The following MAP2K3 variants were observed in gnomAD, a reference collection of about 807,000 sequenced individuals.
MAP2K3 encodes the protein mitogen-activated protein kinase kinase 3, also known as dual specificity mitogen-activated protein kinase kinase 3.
MAP2K3 carries 30 observed loss-of-function variants against 46.4 expected under a neutral mutation model. The observed-to-expected ratio is 0.65, with a 90% CI of 0.48 to 0.88. The LOEUF (loss-of-function observed/expected upper bound fraction) is 0.88. Among genes scored for constraint, MAP2K3 ranks in the 40% least tolerant of loss-of-function variants. The probability of loss-of-function intolerance (pLI) is 0.00; values close to 1 mark genes in which losing one functional copy is unlikely to be tolerated. For synonymous variants in MAP2K3, 189 were observed against 176.3 expected (o/e 1.07, Z -0.57); for missense variants, 380 against 464.5 (o/e 0.82, Z 1.67).
At chr17:21,298,658 C>G (rs1377199606) in intron 2 of MAP2K3, among the ~76,000 whole-genome samples, 179 bp downstream of exon 2, 1 of 152,308 alleles carries the variant, frequency 6.6e-6, no homozygotes, top group African/African-American at 2.4e-5. Context: ...ACCATTTGCT[C>G]TGCTCTGCTC....
intron 1 of MAP2K3, 86 bp downstream of exon 1, chr17:21,285,055 C>T (rs1975687243): frequency 2.6e-6 from 4 of 1,514,896 alleles, no homozygotes; most frequent in Non-Finnish European, 3.6e-6. Flanking sequence ...TTGGTCCCAC[C>T]CCATCCTGTT....
chr17:21,299,284 A>G (rs1306754410), intron 3 of MAP2K3, among the ~76,000 whole-genome samples: 1 of 152,312 alleles, frequency 6.6e-6, no homozygotes, highest in African/African-American at 2.4e-5. Flanking sequence ...TCAGGCCAGC[A>G]CCTGGGCAAC....
At chr17:21,313,406 G>T in intron 10 of MAP2K3, 86 bp from the exon 11 acceptor site, 1 of 1,116,536 alleles carries the variant, frequency 9.0e-7, no homozygotes, top group East Asian at 2.5e-5. Context: ...GCTAGGCCTG[G>T]GGCAATCCTG....
In MAP2K3 at chr17:21,284,873, G is replaced by C; in HGVS notation, c.-48G>C. 1 of 1,597,648 alleles carries C rather than the reference G, an allele frequency of 6.3e-7. No individual in the cohort carries two copies. The highest frequency in any genetic ancestry group is 8.5e-7 in the Non-Finnish European group (1 of 1,170,940). ...AGCGTGCTCGGCCCCGGTGGAGCCC[G>C]CAGTCCTCTAGATTAGTCTCCACCG... is the stretch of plus-strand genomic sequence containing the variant. On this transcript the variant is annotated 5_prime_UTR_variant, in exon 1 of 12. Transcript: ENST00000342679.
At position 21,305,032 on chromosome 17, in the gene MAP2K3, T is replaced by C. The variant is rs1399715342; in HGVS notation, c.697-19T>C. ...CTTACCTGGGGCGGGTGTTCACGCC[T>C]CACTCTTCCCTCCTGCAGCCTGAGA... is the stretch of plus-strand genomic sequence containing the variant. On this transcript the variant is annotated intron_variant, in intron 8 of 11. Transcript: ENST00000342679. 7 of 1,614,304 alleles carry C rather than the reference T, an allele frequency of 4.3e-6. No individual in the cohort carries two copies. The highest frequency in any genetic ancestry group is 5.9e-6 in the Non-Finnish European group (7 of 1,180,048).
chr17:21,285,607 G>A (rs1391849856), intron 1 of MAP2K3, among the ~76,000 whole-genome samples: 1 of 152,100 alleles, frequency 6.6e-6, no homozygotes. Flanking sequence ...TGCAGCCCTG[G>A]GCTCCCAGGA....
chr17:21,296,277 T>C (rs1976245625), intron 1 of MAP2K3: 6 of 1,059,032 alleles, frequency 5.7e-6, no homozygotes, highest in Admixed American at 2.3e-5. Context: ...GAGGGCACCA[T>C]GCCAGGGTCG....
Position 21,314,258 on chromosome 17 carries a change from C to A in MAP2K3, c.*28C>A. 1 of 1,584,820 alleles carries A rather than the reference C, an allele frequency of 6.3e-7. No individual in the cohort carries two copies. The highest frequency in any genetic ancestry group is 8.7e-7 in the Non-Finnish European group (1 of 1,154,336). On this transcript the variant is annotated 3_prime_UTR_variant, in exon 12 of 12. Transcript: ENST00000342679. ...GCTGGGCCTCGGACCCCACTCCGGC[C>A]CTCCAGAGCCCCACAGCCCCATCTG...
At position 21,296,542 on chromosome 17, in the gene MAP2K3, G is replaced by A. The variant is rs980793113; in HGVS notation, c.50-1871G>A. On this transcript the variant is annotated intron_variant, in intron 1 of 11. Transcript: ENST00000342679. ...CAGGGGTGCTGTGAGCCATGGCCTG[G>A]CCTGTTGGGGTCTGCGAGTCAATAA... Among the ~76,000 whole-genome samples, 7 of 152,426 alleles carry A rather than the reference G, an allele frequency of 4.6e-5. No individual in the cohort carries two copies. The South Asian group carries it at 1.0e-3, about 23-fold the overall frequency.
chr17:21,299,005 T>C, intron 3 of MAP2K3, 79 bp downstream of exon 3: 1 of 1,586,172 alleles, frequency 6.3e-7, no homozygotes, highest in Non-Finnish European at 8.6e-7. Flanking sequence ...AGGGCCACTT[T>C]GGGGGGAGGT....
At chr17:21,290,157 C>T (rs966492973) in intron 1 of MAP2K3, among the ~76,000 whole-genome samples, 2 of 152,224 alleles carry the variant, frequency 1.3e-5, no homozygotes, top group African/African-American at 2.4e-5. Flanking sequence ...TGGGGCAGGG[C>T]TGCGAGGGGC....
At chr17:21,295,516 G>A (rs923879523) in intron 1 of MAP2K3, 19 of 967,502 alleles carry the variant, frequency 2.0e-5, no homozygotes, top group Non-Finnish European at 2.3e-5. Flanking sequence ...GGGCAGCCCT[G>A]GGCTGCCTGG....
At chr17:21,290,613 A>G (rs1416829721) in intron 1 of MAP2K3, among the ~76,000 whole-genome samples, 3 of 152,306 alleles carry the variant, frequency 2.0e-5, no homozygotes, top group Non-Finnish European at 4.4e-5. Flanking sequence ...TGTCTGTGCT[A>G]GCATTTCCAT....
At chr17:21,303,350 G>T (rs1024922753) in intron 7 of MAP2K3, 116 bp downstream of exon 7, 1 of 1,427,076 alleles carries the variant, frequency 7.0e-7, no homozygotes, top group African/African-American at 1.4e-5. Context: ...AGGTTGTGAC[G>T]TGCCCGATGG....
At chr17:21,287,646 G>T (rs79652730) in intron 1 of MAP2K3, among the ~76,000 whole-genome samples, 2,401 of 152,322 alleles carry the variant, frequency 0.016, 62 homozygotes, top group African/African-American at 0.054. Context: ...ATCTCTGGCT[G>T]GGGTTAGAGG....
Position 21,300,676 on chromosome 17 carries a change from G to A in MAP2K3, c.279+18G>A, listed in dbSNP as rs1363328394. On this transcript the variant is annotated intron_variant, in intron 4 of 11. Coordinates refer to ENST00000342679, the MANE Select transcript of MAP2K3 (RefSeq NM_145109.3). ...CCGTGAAGGTGAGCAGGGCCTGGAG[G>A]CAGCTGGGAGGGCTCCCTGGAGGAG... 5.0e-6 allele frequency: 8 copies of A among 1,602,528 alleles called. No homozygotes were observed. Among genetic ancestry groups the A allele is most frequent in the Non-Finnish European group, 6.8e-6 (8 of 1,174,184 alleles).
intron 6 of MAP2K3, 141 bp from the exon 7 acceptor site, chr17:21,303,042 G>A (rs1336954586): frequency 1.3e-5 from 14 of 1,094,278 alleles, no homozygotes; most frequent in Non-Finnish European, 1.6e-5. Flanking sequence ...AGGGCAGGAG[G>A]CTGGGATGAG....
intron 3 of MAP2K3, 106 bp downstream of exon 3, chr17:21,299,032 A>G (rs2144552396): frequency 6.5e-7 from 1 of 1,526,916 alleles, no homozygotes; most frequent in East Asian, 2.3e-5. Flanking sequence ...GGGGTCAGAG[A>G]GGGTCAGGCT....
rs142661444 is a variant in MAP2K3, at chr17:21,303,296, G to A, written c.568+62G>A. ...AGTGGGAGGGATCCCAGGCCAAGGC[G>A]GGTGGACGTCTCCCTATGAGCAACT... On this transcript the variant is annotated intron_variant, in intron 7 of 11. Coordinates refer to ENST00000342679, the MANE Select transcript of MAP2K3 (RefSeq NM_145109.3). 1.4e-3 allele frequency: 2,319 copies of A among 1,607,652 alleles called. No homozygotes were observed. In the African/African-American group the frequency reaches 0.026, roughly 18 times the overall value.
Sources: gnomAD v4.1 joint callset for allele counts (sites outside exome capture counted in the v4.1 genomes callset) on GRCh38, gnomAD v4.1.1 for gene constraint, MANE v1.5 for transcripts, NCBI Gene and HGNC (gene_info 2026-07-23, HGNC 2026-07-21) for gene names.